The following GNG4 variants were observed in gnomAD, a reference collection of about 807,000 sequenced individuals.
The protein encoded by GNG4 is G protein subunit gamma 4, also known as guanine nucleotide-binding protein G(I)/G(S)/G(O) subunit gamma-4.
GNG4 carries 4 observed loss-of-function variants against 5.8 expected under a neutral mutation model. The ratio of observed to expected loss-of-function variants is 0.69; its 90% confidence interval spans 0.34 to 1.57. GNG4 has a LOEUF of 1.57. Ranked by LOEUF, GNG4 falls within the 40% of genes most tolerant of loss-of-function variation. GNG4 has a pLI of 0.06. For synonymous variants in GNG4, 29 were observed against 32.9 expected, an observed-to-expected ratio of 0.88 and a Z score of 0.41; for missense variants, 96 against 95.1, an observed-to-expected ratio of 1.01 and a Z score of -0.04.
At chr1:235,622,900 C>T (rs1328941343) in intron 1 of GNG4, among the ~76,000 whole-genome samples, 1 of 90,734 alleles carries the variant, frequency 1.1e-5, no homozygotes, top group Admixed American at 1.2e-4. Flanking sequence ...AATAGCCAGG[C>T]GTGATGGTGC....
chr1:235,618,629 C>T (rs1490920748), intron 1 of GNG4, among the ~76,000 whole-genome samples: 1 of 151,698 alleles, frequency 6.6e-6, no homozygotes, highest in Admixed American at 6.6e-5. Context: ...AGTACTGCTT[C>T]ATTGCCATTG....
intron 1 of GNG4, among the ~76,000 whole-genome samples, chr1:235,643,810 G>A (rs981355668): frequency 7.9e-5 from 12 of 152,188 alleles, no homozygotes; most frequent in African/African-American, 2.7e-4. Context: ...GAATAAAAAC[G>A]TGCCTGGGTC....
At chr1:235,633,755 C>T (rs547443360) in intron 1 of GNG4, among the ~76,000 whole-genome samples, 6 of 152,314 alleles carry the variant, frequency 3.9e-5, no homozygotes, top group African/African-American at 1.2e-4. Flanking sequence ...TCCCAAAGTG[C>T]TGGGATTATA....
At chr1:235,627,276 G>A (rs972125147) in intron 1 of GNG4, among the ~76,000 whole-genome samples, 1 of 152,028 alleles carries the variant, frequency 6.6e-6, no homozygotes, top group Non-Finnish European at 1.5e-5. Context: ...AGGCTGGAGT[G>A]CAGTGGCCCA....
chr1:235,577,919 C>A (rs572139362), intron 3 of GNG4, among the ~76,000 whole-genome samples: 1 of 152,196 alleles, frequency 6.6e-6, no homozygotes, highest in Non-Finnish European at 1.5e-5. Context: ...AAGGCCATTG[C>A]CTTTCCCTGG....
At chr1:235,646,644 G>T (rs886694938) in intron 1 of GNG4, among the ~76,000 whole-genome samples, 13 of 152,216 alleles carry the variant, frequency 8.5e-5, no homozygotes, top group African/African-American at 3.1e-4. Context: ...TCACTCCTGG[G>T]CACCCAGGGC....
chr1:235,589,653 CA>C (rs1218224925), intron 2 of GNG4, among the ~76,000 whole-genome samples: 9 of 152,196 alleles, frequency 5.9e-5, no homozygotes, highest in African/African-American at 2.2e-4. Flanking sequence ...AATGGGACAT[CA>C]GGGGAAATCT....
At chr1:235,606,987 G>A (rs2102966048) in intron 1 of GNG4, among the ~76,000 whole-genome samples, 1 of 142,226 alleles carries the variant, frequency 7.0e-6, no homozygotes, top group South Asian at 2.2e-4. Context: ...CACCCAGGCT[G>A]GAGTGCAGTC....
At chr1:235,643,014 C>T (rs1454005802) in intron 1 of GNG4, among the ~76,000 whole-genome samples, 2 of 152,278 alleles carry the variant, frequency 1.3e-5, no homozygotes, top group Non-Finnish European at 1.5e-5. Context: ...TCCAATCAGA[C>T]GGCCACCCCG....
intron 1 of GNG4, among the ~76,000 whole-genome samples, chr1:235,643,290 G>A (rs1239607701): frequency 6.6e-6 from 1 of 152,176 alleles, no homozygotes; most frequent in African/African-American, 2.4e-5. Flanking sequence ...GCCCTGCCTG[G>A]AAAGCCCTTT....
chr1:235,620,446 C>T (rs1688686175), intron 1 of GNG4, among the ~76,000 whole-genome samples: 1 of 152,250 alleles, frequency 6.6e-6, no homozygotes. Flanking sequence ...TGGAGACAGT[C>T]ATATTATCTC....
intron 1 of GNG4, among the ~76,000 whole-genome samples, chr1:235,620,561 A>T (rs1234443713): frequency 1.3e-5 from 2 of 152,004 alleles, no homozygotes; most frequent in Non-Finnish European, 2.9e-5. Flanking sequence ...TTTGAGACGG[A>T]GTCTCGCTCT....
At chr1:235,616,404 C>A in intron 1 of GNG4, 1 of 287,316 alleles carries the variant, frequency 3.5e-6, no homozygotes, top group Non-Finnish European at 6.8e-6. Context: ...GGGTAGGGCC[C>A]TGCCAGGAGC....
intron 1 of GNG4, among the ~76,000 whole-genome samples, chr1:235,609,418 T>C (rs2102967798): frequency 6.6e-6 from 1 of 152,298 alleles, no homozygotes; most frequent in South Asian, 2.1e-4. Context: ...ATTTTCCACT[T>C]TTTGGGTTAT....
At chr1:235,573,649 C>G (rs373248143) in intron 3 of GNG4, among the ~76,000 whole-genome samples, 2 of 151,862 alleles carry the variant, frequency 1.3e-5, no homozygotes, top group Non-Finnish European at 2.9e-5. Flanking sequence ...TGGTGGCGGG[C>G]GCCTGTAGTC....
At chr1:235,572,884 T>TG (rs1386215064) in intron 3 of GNG4, among the ~76,000 whole-genome samples, 22 of 152,190 alleles carry the variant, frequency 1.4e-4, no homozygotes, top group African/African-American at 5.3e-4. Context: ...ATGTAGTGCC[T>TG]GACAGTATAT....
rs776506587 is a variant in GNG4 at position 235,626,958 on chromosome 1, C to CAAAA, written c.-123+22700_-123+22703dup. On this transcript the variant is annotated intron_variant, in intron 1 of 3. Transcript: ENST00000391854. The stretch of plus-strand genomic sequence containing the variant: ...TGGGTGACAGAGTGAGACTCTATCT[C>CAAAA]AAAAAAAAAAAAAAAAAAAAAAAAA... Among the ~76,000 whole-genome samples the CAAAA allele has an allele frequency of 1.4e-3, 106 of 77,358 alleles. 1 individual carries two copies. The highest frequency in any genetic ancestry group is 2.0e-3 in the South Asian group (4 of 2,040). The allele number at this position is 77,358 out of a possible 152,430, so 50.7% of individuals were successfully genotyped here. A position where few individuals can be genotyped will look rare whatever the true frequency, so the allele number is the denominator to read the frequency against.
chr1:235,579,503 T>C (rs1408318918), intron 3 of GNG4, among the ~76,000 whole-genome samples: 1 of 151,534 alleles, frequency 6.6e-6, no homozygotes, highest in Non-Finnish European at 1.5e-5. Context: ...GCACTGCTGG[T>C]GATGACGTGA....
At chr1:235,628,993 ATTTT>A (rs1054950474) in intron 1 of GNG4, among the ~76,000 whole-genome samples, 352 of 118,368 alleles carry the variant, frequency 3.0e-3, no homozygotes, top group African/African-American at 0.01. Flanking sequence ...ATTTGCTTGA[ATTTT>A]TTTTTTTTTT....
Sources: gnomAD v4.1 joint callset for allele counts (sites outside exome capture counted in the v4.1 genomes callset) on GRCh38, gnomAD v4.1.1 for gene constraint, MANE v1.5 for transcripts, NCBI Gene and HGNC (gene_info 2026-07-23, HGNC 2026-07-21) for gene names.